The following HAUS1 variants were observed in gnomAD, a reference collection of about 807,000 sequenced individuals.
The protein encoded by HAUS1 is HAUS augmin-like complex subunit 1.
In HAUS1, 25 loss-of-function variants were observed where a neutral mutation model predicts 38.6. That is an observed-to-expected ratio of 0.65 (90% CI 0.47 to 0.91). The LOEUF (loss-of-function observed/expected upper bound fraction) is 0.91. Among genes scored for constraint, HAUS1 ranks in the 40% least tolerant of loss-of-function variants. The pLI, the probability that HAUS1 is intolerant of heterozygous loss-of-function variation, is 0.00. For synonymous variants in HAUS1, 109 were observed against 112.9 expected, an observed-to-expected ratio of 0.97 and a Z score of 0.22; for missense variants, 325 against 328.4, an observed-to-expected ratio of 0.99 and a Z score of 0.08.
chr18:46,124,961 T>C lies in HAUS1; in HGVS notation c.738+68T>C, dbSNP rs2144266109. 3 of 891,946 alleles carry C rather than the reference T, an allele frequency of 3.4e-6. No homozygotes were observed. The South Asian group carries it at 4.2e-5, about 13-fold the overall frequency. 55.3% of individuals were successfully genotyped at this position (891,946 alleles called of 1,614,324 possible). A position where few individuals can be genotyped will look rare whatever the true frequency, so the allele number is the denominator to read the frequency against. On this transcript the variant is annotated intron_variant, in intron 7 of 8. Coordinates refer to ENST00000282058, the MANE Select transcript of HAUS1 (RefSeq NM_138443.4). ...CTTCCCTGAGGGTACTATATGACCATGAAAATAGTGTGTTTAGGCCAGGCA... is the reference window on the plus strand; with the variant it reads ...CTTCCCTGAGGGTACTATATGACCACGAAAATAGTGTGTTTAGGCCAGGCA...
intron 3 of HAUS1, among the ~76,000 whole-genome samples, chr18:46,118,769 C>A (rs957157211): frequency 6.6e-6 from 1 of 152,096 alleles, no homozygotes; most frequent in Non-Finnish European, 1.5e-5. Context: ...ATAATTTATC[C>A]GAGCTACTAA....
chr18:46,112,175 G>T (rs1015697871), intron 2 of HAUS1, among the ~76,000 whole-genome samples: 1 of 147,784 alleles, frequency 6.8e-6, no homozygotes, highest in East Asian at 2.0e-4. Flanking sequence ...GTGAACTACC[G>T]CACCTGGCCT....
rs1912052153 is a variant in HAUS1 at position 46,124,818 on chromosome 18, C to T, written c.667-4C>T. 3.2e-6 allele frequency: 5 copies of T among 1,583,366 alleles called. No homozygotes were observed. Among genetic ancestry groups the T allele is most frequent in the Non-Finnish European group, 4.3e-6 (5 of 1,154,468 alleles). ...ACTCTGTGACTGTGTTCTTTTACCC[C>T]CAGAAACTGGCAAGATTAAAGCAAC... On this transcript the variant is annotated splice_region_variant and splice_polypyrimidine_tract_variant and intron_variant, in intron 6 of 8. Transcript: ENST00000282058.
chr18:46,124,169 G>A (rs1912030516), intron 6 of HAUS1, among the ~76,000 whole-genome samples: 1 of 152,082 alleles, frequency 6.6e-6, no homozygotes, highest in African/African-American at 2.4e-5. Context: ...CAGTACTTTG[G>A]GAGGCAGAGG....
intron 2 of HAUS1, among the ~76,000 whole-genome samples, chr18:46,110,333 G>GTTTTTTTTTTTT (rs71160713): frequency 2.0e-5 from 1 of 50,014 alleles, no homozygotes; most frequent in Non-Finnish European, 3.5e-5. Flanking sequence ...TTTTTTTAAG[G>GTTTTTTTTTTTT]TTTTTTTTTT....
At chr18:46,112,910 AAT>A (rs1369531499) in intron 2 of HAUS1, among the ~76,000 whole-genome samples, 2 of 113,346 alleles carry the variant, frequency 1.8e-5, no homozygotes, top group East Asian at 4.5e-4. Context: ...TTATATATAT[AAT>A]ATATATAATG....
chr18:46,118,616 T>G (rs1462277865), intron 3 of HAUS1: 1 of 229,412 alleles, frequency 4.4e-6, no homozygotes, highest in African/African-American at 2.3e-5. Context: ...GCTAAATGAT[T>G]TGGTTGAGCA....
intron 2 of HAUS1, among the ~76,000 whole-genome samples, chr18:46,105,802 A>C (rs1272705219): frequency 6.6e-6 from 1 of 152,084 alleles, no homozygotes; most frequent in Non-Finnish European, 1.5e-5. Flanking sequence ...GCTGGTCTCG[A>C]ACTCCTGACT....
chr18:46,125,781 A>G lies in HAUS1; in HGVS notation c.776A>G (p.Lys259Arg), dbSNP rs1023291532. The change falls in exon 8 of 9, where the codon AAG (lysine) becomes AGG (arginine). Residue 259 changes from lysine (K) to arginine (R), a missense_variant. Coordinates refer to ENST00000282058, the MANE Select transcript of HAUS1 (RefSeq NM_138443.4). ...SLAQVKIEEA[K>R]RELDSIEAEL... ...GCTCAAGTGAAAATTGAAGAAGCAA[A>G]GCGAGAACTAGTAAGTAGTTCCTGT... 1.3e-6 allele frequency: 2 copies of G among 1,595,868 alleles called. No individual in the cohort carries two copies. Among genetic ancestry groups the G allele is most frequent in the African/African-American group, 2.7e-5 (2 of 74,436 alleles).
At chr18:46,124,941 C>A in intron 7 of HAUS1, 48 bp downstream of exon 7, 1 of 1,036,670 alleles carries the variant, frequency 9.6e-7, no homozygotes, top group South Asian at 1.3e-5. Flanking sequence ...CCAACCTTCC[C>A]TGAGGGTACT....
At chr18:46,106,036 G>A (rs566789062) in intron 2 of HAUS1, among the ~76,000 whole-genome samples, 3 of 152,192 alleles carry the variant, frequency 2.0e-5, no homozygotes, top group East Asian at 3.9e-4. Flanking sequence ...TTCTGTTTCC[G>A]GTCTCCATGA....
chr18:46,128,099 A>G lies in HAUS1; in HGVS notation c.811A>G (p.Arg271Gly), dbSNP rs1912159752. Residue 271 changes from arginine to glycine, a missense_variant, in exon 9 of 9, where the codon AGA becomes GGA. Transcript: ENST00000282058. ...ELDSIEAELT[R>G]RVDMMEL ...GGATAGCATTGAAGCTGAACTTACAAGAAGAGTAGACATGATGGAACTGTG... is the reference window on the plus strand; with the variant it reads ...GGATAGCATTGAAGCTGAACTTACAGGAAGAGTAGACATGATGGAACTGTG... The G allele has an allele frequency of 6.3e-7, 1 of 1,589,538 alleles. No individual in the cohort carries two copies. The highest frequency in any genetic ancestry group is 8.5e-7 in the Non-Finnish European group (1 of 1,171,010).
chr18:46,112,895 C>A (rs1275677445), intron 2 of HAUS1, among the ~76,000 whole-genome samples: 1 of 100,786 alleles, frequency 9.9e-6, no homozygotes, highest in Non-Finnish European at 1.8e-5. Context: ...TATATATATT[C>A]CATATTATAT....
At chr18:46,114,720 C>G (rs536544851) in intron 2 of HAUS1, among the ~76,000 whole-genome samples, 29 of 152,252 alleles carry the variant, frequency 1.9e-4, no homozygotes, top group African/African-American at 5.1e-4. Flanking sequence ...CAGCTGGGAG[C>G]TGGGAGCAAA....
intron 2 of HAUS1, 39 bp from the exon 3 acceptor site, chr18:46,118,142 A>C (rs1568265060): frequency 1.9e-6 from 3 of 1,605,590 alleles, no homozygotes; most frequent in South Asian, 1.1e-5. Context: ...AATTTTTAAA[A>C]AAGCAAACAG....
At chr18:46,125,430 T>C (rs1912074635) in intron 7 of HAUS1, among the ~76,000 whole-genome samples, 1 of 150,820 alleles carries the variant, frequency 6.6e-6, no homozygotes, top group Non-Finnish European at 1.5e-5. Flanking sequence ...GCGCTTATAA[T>C]CCCAGCTACT....
intron 5 of HAUS1, among the ~76,000 whole-genome samples, chr18:46,122,969 T>C (rs1333366371): frequency 6.6e-6 from 1 of 152,182 alleles, no homozygotes; most frequent in Non-Finnish European, 1.5e-5. Flanking sequence ...TCCAGCACTT[T>C]GGGAGGCCAA....
chr18:46,125,332 C>G (rs1431238137), intron 7 of HAUS1, among the ~76,000 whole-genome samples: 2 of 151,018 alleles, frequency 1.3e-5, no homozygotes, highest in Non-Finnish European at 3.0e-5. Context: ...GGGCAGATCA[C>G]GAGGTCAGGA....
chr18:46,120,176 A>G (rs1037186828), intron 4 of HAUS1, 116 bp downstream of exon 4: 30 of 679,666 alleles, frequency 4.4e-5, no homozygotes, highest in Admixed American at 2.6e-4. Flanking sequence ...TGGGATCCAT[A>G]AAACATTTTT....
Sources: allele counts gnomAD v4.1 joint callset (sites outside exome capture counted in the v4.1 genomes callset), GRCh38; gene constraint gnomAD v4.1.1; transcripts MANE v1.5; gene names NCBI Gene and HGNC (gene_info 2026-07-23, HGNC 2026-07-21).